CNTN3: variants seen among roughly 807,000 people sequenced by gnomAD.
CNTN3 encodes the protein contactin 3, also known as contactin-3.
A neutral mutation model predicts 119.1 loss-of-function variants in CNTN3; 60 were observed. The observed-to-expected ratio is 0.50, with a 90% CI of 0.41 to 0.62. The LOEUF is 0.62. Ranked by LOEUF, CNTN3 falls within the 20% of genes least tolerant of loss-of-function variation. CNTN3 has a pLI of 0.00. For synonymous variants in CNTN3, 450 were observed against 438.7 expected (o/e 1.03, Z -0.32); for missense variants, 1,101 against 1,242.4 (o/e 0.89, Z 1.71).
At chr3:74,579,147 C>T (rs1704463241) in intron 1 of CNTN3, among the ~76,000 whole-genome samples, 1 of 151,140 alleles carries the variant, frequency 6.6e-6, no homozygotes, top group Admixed American at 6.6e-5. Context: ...GCAAACAATA[C>T]AAAAACTAAA....
intron 10 of CNTN3, among the ~76,000 whole-genome samples, chr3:74,362,478 T>A (rs771921676): frequency 6.6e-6 from 1 of 152,198 alleles, no homozygotes; most frequent in Non-Finnish European, 1.5e-5. Context: ...AATATTCTCA[T>A]ACATATGCAT....
At chr3:74,336,022 T>G (rs1703385614) in intron 12 of CNTN3, among the ~76,000 whole-genome samples, 1 of 152,108 alleles carries the variant, frequency 6.6e-6, no homozygotes, top group African/African-American at 2.4e-5. Context: ...GAAGGTAAGA[T>G]TCATGAGGAC....
chr3:74,477,540 T>G lies in CNTN3; in HGVS notation c.358+8916A>C, dbSNP rs533668900. ...ATTTGTGGGATCTAAAAATAAAAAC[T>G]CATGGGCTTAAATAAGGATGGTTAC... On this transcript the variant is annotated intron_variant, in intron 4 of 22. Transcript: ENST00000263665. 3.3e-5 allele frequency among the ~76,000 whole-genome samples: 5 copies of G among 152,100 alleles called. No individual in the cohort carries two copies. In the South Asian group the frequency reaches 1.0e-3, roughly 32 times the overall value.
At chr3:74,553,880 T>G (rs533003998) in intron 1 of CNTN3, among the ~76,000 whole-genome samples, 8 of 152,244 alleles carry the variant, frequency 5.3e-5, no homozygotes, top group Non-Finnish European at 1.2e-4. Context: ...CTATTCATTT[T>G]GATGATAGTT....
At chr3:74,457,443 A>G (rs1702290870) in intron 4 of CNTN3, among the ~76,000 whole-genome samples, 2 of 152,000 alleles carry the variant, frequency 1.3e-5, no homozygotes, top group Non-Finnish European at 1.5e-5. Flanking sequence ...AGACTTAATA[A>G]TCTCATCTGT....
chr3:74,540,567 C>A (rs1231584650), intron 1 of CNTN3, among the ~76,000 whole-genome samples: 1 of 152,154 alleles, frequency 6.6e-6, no homozygotes, highest in African/African-American at 2.4e-5. Flanking sequence ...TTAATCTTCA[C>A]ACTAACAGGG....
chr3:74,525,192 G>A (rs1429295677), intron 1 of CNTN3, among the ~76,000 whole-genome samples: 10 of 151,738 alleles, frequency 6.6e-5, no homozygotes, highest in East Asian at 1.9e-4. Context: ...CCACAAATTC[G>A]TAGAAATTAG....
intron 1 of CNTN3, among the ~76,000 whole-genome samples, chr3:74,529,162 T>C (rs1703659776): frequency 6.6e-6 from 1 of 151,926 alleles, no homozygotes; most frequent in Non-Finnish European, 1.5e-5. Flanking sequence ...AATAGAAAGA[T>C]AAAAATTTTC....
chr3:74,348,705 T>C (rs1703750024), intron 11 of CNTN3, among the ~76,000 whole-genome samples: 3 of 152,170 alleles, frequency 2.0e-5, no homozygotes, highest in Admixed American at 2.0e-4. Flanking sequence ...GAGCAAATAC[T>C]GCCTTGTCAA....
intron 4 of CNTN3, 102 bp from the exon 5 acceptor site, chr3:74,425,042 G>T: frequency 6.5e-6 from 5 of 766,122 alleles, no homozygotes; most frequent in Admixed American, 3.1e-5. Context: ...TTTAGTTTTT[G>T]CTTTTTTCTT....
At chr3:74,415,108 A>T (rs1306204545) in intron 5 of CNTN3, among the ~76,000 whole-genome samples, 3 of 152,150 alleles carry the variant, frequency 2.0e-5, no homozygotes, top group African/African-American at 7.2e-5. Flanking sequence ...GATGGGCTTC[A>T]GGCTCCTCTG....
chr3:74,530,774 G>T (rs1703682160), intron 1 of CNTN3, among the ~76,000 whole-genome samples: 1 of 151,938 alleles, frequency 6.6e-6, no homozygotes, highest in South Asian at 2.1e-4. Context: ...GGTATCTCTG[G>T]ACTTGTGGGG....
At chr3:74,309,683 T>C (rs566350163) in intron 13 of CNTN3, among the ~76,000 whole-genome samples, 1 of 152,326 alleles carries the variant, frequency 6.6e-6, no homozygotes, top group African/African-American at 2.4e-5. Context: ...TCCTGGGATA[T>C]TGCATTCCTC....
chr3:74,364,902 T>C (rs1250258728), intron 9 of CNTN3, among the ~76,000 whole-genome samples: 2 of 152,160 alleles, frequency 1.3e-5, no homozygotes, highest in Admixed American at 6.6e-5. Context: ...CTTAAAAAGG[T>C]ACCGTGACTT....
At chr3:74,485,149 T>C (rs1459568635) in intron 4 of CNTN3, among the ~76,000 whole-genome samples, 1 of 151,528 alleles carries the variant, frequency 6.6e-6, no homozygotes, top group East Asian at 1.9e-4. Flanking sequence ...ATATATATAT[T>C]CCTATATACA....
At chr3:74,404,983 C>A (rs1705289290) in intron 5 of CNTN3, among the ~76,000 whole-genome samples, 1 of 151,586 alleles carries the variant, frequency 6.6e-6, no homozygotes, top group African/African-American at 2.4e-5. Flanking sequence ...TCTCCATAGA[C>A]CAAAATGAAA....
chr3:74,288,225 C>T (rs1702155146), intron 19 of CNTN3, among the ~76,000 whole-genome samples: 1 of 139,592 alleles, frequency 7.2e-6, no homozygotes, highest in Non-Finnish European at 1.5e-5. Context: ...GTGGCACGAT[C>T]TTGGCTCACT....
At chr3:74,537,550 T>C (rs1289899741) in intron 1 of CNTN3, among the ~76,000 whole-genome samples, 1 of 152,146 alleles carries the variant, frequency 6.6e-6, no homozygotes, top group Non-Finnish European at 1.5e-5. Flanking sequence ...CTCAATGGCA[T>C]CTTTGCCTCG....
rs965479419 is a variant in CNTN3 at position 74,446,644 on chromosome 3, T to C, written c.359-21704A>G. On this transcript the variant is annotated intron_variant, in intron 4 of 22. Coordinates refer to ENST00000263665, the MANE Select transcript of CNTN3 (RefSeq NM_020872.3). The stretch of plus-strand genomic sequence containing the variant: ...TATTGATTATATGTTAAAATAATAC[T>C]GAGTTAAATAAAATATATTATTCAA... Among the ~76,000 whole-genome samples the C allele has an allele frequency of 2.0e-5, 3 of 151,390 alleles. No homozygotes were observed. The South Asian group carries it at 6.2e-4, about 31-fold the overall frequency.
Sources: allele counts gnomAD v4.1 joint callset (sites outside exome capture counted in the v4.1 genomes callset), GRCh38; gene constraint gnomAD v4.1.1; transcripts MANE v1.5; gene names NCBI Gene and HGNC (gene_info 2026-07-23, HGNC 2026-07-21).